The following KLF17 variants were observed in gnomAD, a reference collection of about 807,000 sequenced individuals.
KLF17 encodes the protein KLF transcription factor 17, also known as Krueppel-like factor 17.
A neutral mutation model predicts 34.2 loss-of-function variants in KLF17; 31 were observed. That is an observed-to-expected ratio of 0.91 (90% CI 0.68 to 1.22). The LOEUF is 1.22. KLF17 is among the 50% of genes most tolerant of loss of function. The pLI is 0.00. For synonymous variants in KLF17, 179 were observed against 186.7 expected (o/e 0.96, Z 0.34); for missense variants, 478 against 505.2 (o/e 0.95, Z 0.52).
At chr1:44,085,830 A>G in the KLF17 span, among the ~76,000 whole-genome samples, 2 of 150,578 alleles carry the variant, frequency 1.3e-5, no homozygotes, top group Non-Finnish European at 3.0e-5. Context: ...AAAAAAAAAA[A>G]AAGGAGAGAG....
At chr1:44,093,639 C>T in the KLF17 span, among the ~76,000 whole-genome samples, 2 of 152,210 alleles carry the variant, frequency 1.3e-5, no homozygotes, top group Non-Finnish European at 2.9e-5. Flanking sequence ...AAGTGATCCA[C>T]CTGCCTCTGC....
At chr1:44,122,096 C>G in intron 1 of KLF17, 1 of 1,078,710 alleles carries the variant, frequency 9.3e-7, no homozygotes, top group South Asian at 1.3e-5. Context: ...TAAACACAAC[C>G]TGTACAAAAA....
At chr1:44,098,760 C>T in the KLF17 span, among the ~76,000 whole-genome samples, 1 of 152,034 alleles carries the variant, frequency 6.6e-6, no homozygotes, top group Non-Finnish European at 1.5e-5. Context: ...CCATGTTAGC[C>T]AAGATGGTCT....
chr1:44,126,204 T>A (rs1386479454), intron 1 of KLF17, among the ~76,000 whole-genome samples: 1 of 152,120 alleles, frequency 6.6e-6, no homozygotes, highest in Non-Finnish European at 1.5e-5. Context: ...TTTTGTATTT[T>A]TAGTGGAGAC....
chr1:44,127,679 T>TTTCTTTC (rs1491462125), intron 1 of KLF17, among the ~76,000 whole-genome samples: 3 of 40,062 alleles, frequency 7.5e-5, no homozygotes, highest in African/African-American at 2.0e-4. Flanking sequence ...TCTTTCTTTC[T>TTTCTTTC]TTCTTTCTTT....
At chr1:44,085,807 C>CAAA in the KLF17 span, among the ~76,000 whole-genome samples, 1,027 of 63,220 alleles carry the variant, frequency 0.016, 12 homozygotes, top group Middle Eastern at 0.021. Context: ...TCTGTCTCAA[C>CAAA]AAAAAAAAAA....
chr1:44,100,003 A>G, the KLF17 span, among the ~76,000 whole-genome samples: 2 of 150,602 alleles, frequency 1.3e-5, no homozygotes, highest in Admixed American at 1.3e-4. Context: ...TTGGGAGGCC[A>G]AGGTGGGTGG....
At chr1:44,077,797 T>C in the KLF17 span, among the ~76,000 whole-genome samples, 1 of 152,200 alleles carries the variant, frequency 6.6e-6, no homozygotes, top group African/African-American at 2.4e-5. Context: ...CAGGCAGCAG[T>C]GTATGGCCTT....
intron 1 of KLF17, among the ~76,000 whole-genome samples, chr1:44,121,218 GC>G (rs2087941914): frequency 6.6e-6 from 1 of 152,146 alleles, no homozygotes; most frequent in Non-Finnish European, 1.5e-5. Flanking sequence ...CCAGGTTCAA[GC>G]AATTCTCGTG....
At chr1:44,127,324 T>C (rs1390093515) in intron 1 of KLF17, among the ~76,000 whole-genome samples, 3 of 152,188 alleles carry the variant, frequency 2.0e-5, no homozygotes, top group Non-Finnish European at 4.4e-5. Context: ...CCTGTGAAAC[T>C]GTCACTCAGG....
the KLF17 span, among the ~76,000 whole-genome samples, chr1:44,080,516 G>A: frequency 6.6e-6 from 1 of 152,068 alleles, no homozygotes; most frequent in Non-Finnish European, 1.5e-5. Context: ...GGGATTACAG[G>A]CGTGAGCCAC....
At chr1:44,069,397 T>C in the KLF17 span, among the ~76,000 whole-genome samples, 3 of 151,746 alleles carry the variant, frequency 2.0e-5, no homozygotes, top group East Asian at 3.9e-4. This position sits in a 1 kb window ranked among gnomAD's most constrained non-coding sequence, Gnocchi z 4.7. Flanking sequence ...TCAGGAAGCA[T>C]CTGCTTCTGG....
chr1:44,112,394 TTTTTTTTATTTTC>T, the KLF17 span, among the ~76,000 whole-genome samples: 66,940 of 150,576 alleles, frequency 0.44, 15,101 homozygotes, highest in Middle Eastern at 0.51. Flanking sequence ...TTTTTCTTTC[TTTTTTTTATTTTC>T]TTTTTTTATT....
chr1:44,084,295 A>G, the KLF17 span, among the ~76,000 whole-genome samples: 1 of 152,150 alleles, frequency 6.6e-6, no homozygotes, highest in Non-Finnish European at 1.5e-5. Context: ...TCAGTAAGAC[A>G]TTACACATTT....
At chr1:44,098,757 A>G in the KLF17 span, among the ~76,000 whole-genome samples, 7 of 152,042 alleles carry the variant, frequency 4.6e-5, no homozygotes, top group South Asian at 2.1e-4. Flanking sequence ...TCACCATGTT[A>G]GCCAAGATGG....
chr1:44,109,515 C>G, the KLF17 span, among the ~76,000 whole-genome samples: 2 of 152,264 alleles, frequency 1.3e-5, no homozygotes, highest in African/African-American at 4.8e-5. Flanking sequence ...CATCTTTTTA[C>G]TGATTTTACC....
chr1:44,098,475 TA>T, the KLF17 span, among the ~76,000 whole-genome samples: 10 of 132,896 alleles, frequency 7.5e-5, no homozygotes, highest in Admixed American at 7.8e-5. Flanking sequence ...TGATCTTTAT[TA>T]TTATTTTTTT....
chr1:44,065,801 A>G, the KLF17 span, among the ~76,000 whole-genome samples: 2 of 152,258 alleles, frequency 1.3e-5, no homozygotes, highest in African/African-American at 4.8e-5. Context: ...AGATATTTAT[A>G]ACATATATAA....
chr1:44,086,518 A>C, the KLF17 span, among the ~76,000 whole-genome samples: 15 of 152,194 alleles, frequency 9.9e-5, no homozygotes, highest in South Asian at 3.1e-3. Context: ...AATAAATTAA[A>C]AGCAGAGAAA....
Sources: allele counts gnomAD v4.1 joint callset (sites outside exome capture counted in the v4.1 genomes callset), GRCh38; gene constraint gnomAD v4.1.1; non-coding constraint Gnocchi (gnomAD v3.1); transcripts MANE v1.5; gene names NCBI Gene and HGNC (gene_info 2026-07-23, HGNC 2026-07-21).